The following NSL1 variants were observed in gnomAD, a reference collection of about 807,000 sequenced individuals.
The protein encoded by NSL1 is kinetochore-associated protein NSL1 homolog.
A neutral mutation model predicts 25.4 loss-of-function variants in NSL1; 11 were observed. The ratio of observed to expected loss-of-function variants is 0.43; its 90% confidence interval spans 0.27 to 0.72. The LOEUF (loss-of-function observed/expected upper bound fraction) is 0.72. NSL1 is among the 30% of genes least tolerant of loss of function. NSL1 has a pLI of 0.19. For missense variants in NSL1, 330 were observed against 342.7 expected, an observed-to-expected ratio of 0.96 and a Z score of 0.29; for synonymous variants, 118 against 120.6, an observed-to-expected ratio of 0.98 and a Z score of 0.14.
At position 212,730,916 on chromosome 1, in the gene NSL1, C is replaced by A. The variant is rs934869155; in HGVS notation, c.*7492G>T. On this transcript the variant is annotated 3_prime_UTR_variant, in exon 6 of 6. Transcript: ENST00000366977. ...GTGTGAGATTGTGATCCAGGGAAAC[C>A]GACAAGTTAGAAATTTGCAATATGA... is the stretch of plus-strand genomic sequence containing the variant. The A allele has an allele frequency of 1.0e-6, 1 of 985,110 alleles. No homozygotes were observed. The highest frequency in any genetic ancestry group is 1.2e-6 in the Non-Finnish European group (1 of 829,898). The allele number at this position is 985,110 out of a possible 1,614,324, so 61.0% of individuals were successfully genotyped here. A position where few individuals can be genotyped will look rare whatever the true frequency, so the allele number is the denominator to read the frequency against.
At chr1:212,791,333 T>C (rs1267857471) in intron 1 of NSL1, among the ~76,000 whole-genome samples, 197 bp downstream of exon 1, 1 of 152,256 alleles carries the variant, frequency 6.6e-6, no homozygotes, top group African/African-American at 2.4e-5. Context: ...TGGACAGCGC[T>C]GGTCTAAGTA....
At chr1:212,739,783 T>C (rs1472845) in intron 4 of NSL1, among the ~76,000 whole-genome samples, 182 bp from the exon 5 acceptor site, 13,224 of 152,234 alleles carry the variant, frequency 0.087, 923 homozygotes, top group African/African-American at 0.19. Flanking sequence ...AACTAAAAGT[T>C]ATAAGCATAA....
chr1:212,736,849 C>G lies in NSL1; in HGVS notation c.*1559G>C. ...AAATCTATCATGTCATTTAAAAACT[C>G]TATGTAGCACAATATACCTCTCTTA... On this transcript the variant is annotated 3_prime_UTR_variant, in exon 6 of 6. Transcript: ENST00000366977. The G allele has an allele frequency of 1.0e-6, 1 of 985,350 alleles. No individual in the cohort carries two copies. The highest frequency in any genetic ancestry group is 1.2e-6 in the Non-Finnish European group (1 of 829,892). 61.0% of individuals were successfully genotyped at this position (985,350 alleles called of 1,614,324 possible). A position where few individuals can be genotyped will look rare whatever the true frequency, so the allele number is the denominator to read the frequency against.
intron 4 of NSL1, among the ~76,000 whole-genome samples, chr1:212,746,065 G>A (rs2174780): frequency 0.1 from 15,344 of 152,258 alleles, 913 homozygotes; most frequent in African/African-American, 0.16. Flanking sequence ...AGGCTGAAAT[G>A]AAAGGATGCT....
chr1:212,761,275 C>T (rs980107539), intron 4 of NSL1, among the ~76,000 whole-genome samples: 1 of 152,176 alleles, frequency 6.6e-6, no homozygotes, highest in Non-Finnish European at 1.5e-5. Context: ...ATAGGACAGG[C>T]ATTGTGGCTC....
At chr1:212,783,768 T>C (rs1660821844) in intron 3 of NSL1, among the ~76,000 whole-genome samples, 1 of 152,174 alleles carries the variant, frequency 6.6e-6, no homozygotes, top group African/African-American at 2.4e-5. Flanking sequence ...ATATGGTTGG[T>C]CATTGATATC....
intron 4 of NSL1, among the ~76,000 whole-genome samples, chr1:212,778,877 G>C (rs1415718533): frequency 1.3e-5 from 2 of 151,884 alleles, no homozygotes; most frequent in African/African-American, 4.8e-5. Context: ...GGGATGTGAG[G>C]AGCCCCTCTG....
chr1:212,791,180 A>C (rs1191824273), intron 1 of NSL1, among the ~76,000 whole-genome samples: 1 of 152,200 alleles, frequency 6.6e-6, no homozygotes, highest in African/African-American at 2.4e-5. Flanking sequence ...AGAATGTAAA[A>C]TATCTCATTC....
chr1:212,764,665 G>C (rs773658206), intron 4 of NSL1, among the ~76,000 whole-genome samples: 1 of 151,706 alleles, frequency 6.6e-6, no homozygotes, highest in Non-Finnish European at 1.5e-5. Context: ...GGACAACATG[G>C]TGAAACCCTC....
At chr1:212,770,375 T>G (rs186933263) in intron 4 of NSL1, among the ~76,000 whole-genome samples, 12 of 151,974 alleles carry the variant, frequency 7.9e-5, no homozygotes, top group African/African-American at 2.9e-4. Context: ...CATCAGAGAC[T>G]ATTAAAACAG....
chr1:212,748,166 T>C (rs1214852434), intron 4 of NSL1, among the ~76,000 whole-genome samples: 1 of 152,254 alleles, frequency 6.6e-6, no homozygotes. Flanking sequence ...TTTAATGATA[T>C]GATAATATCT....
chr1:212,778,744 C>T (rs1484091956), intron 4 of NSL1, among the ~76,000 whole-genome samples: 2 of 150,012 alleles, frequency 1.3e-5, no homozygotes, highest in Non-Finnish European at 3.0e-5. Context: ...GATCTCGGCT[C>T]GCTACAACCT....
In NSL1 at chr1:212,727,117, GA is replaced by G; in HGVS notation, c.*11290del. ...CCAGTTCACCAGAGGCAGAAGGGAT[GA>G]AGGTTCCCCGATCCCCTTCTCTCCT... On this transcript the variant is annotated 3_prime_UTR_variant, in exon 6 of 6. Coordinates refer to ENST00000366977, the MANE Select transcript of NSL1 (RefSeq NM_015471.4). The G allele has an allele frequency of 6.4e-7, 1 of 1,564,958 alleles. No homozygotes were observed.
chr1:212,730,844 C>G lies in NSL1; in HGVS notation c.*7564G>C, dbSNP rs1657984316. 1 of 985,102 alleles carries G rather than the reference C, an allele frequency of 1.0e-6. No individual in the cohort carries two copies. Among genetic ancestry groups the G allele is most frequent in the African/African-American group, 1.7e-5 (1 of 57,200 alleles). 61.0% of individuals were successfully genotyped at this position (985,102 alleles called of 1,614,324 possible). ...TTACCTCTCCCCTCCCCACACTCACCTTCTAAGTTCAATTAATAATGAATA... is the reference window on the plus strand; with the variant it reads ...TTACCTCTCCCCTCCCCACACTCACGTTCTAAGTTCAATTAATAATGAATA... On this transcript the variant is annotated 3_prime_UTR_variant, in exon 6 of 6. Coordinates refer to ENST00000366977, the MANE Select transcript of NSL1 (RefSeq NM_015471.4).
intron 1 of NSL1, among the ~76,000 whole-genome samples, chr1:212,791,313 G>C (rs1471412575): frequency 6.6e-6 from 1 of 152,174 alleles, no homozygotes; most frequent in Non-Finnish European, 1.5e-5. Context: ...AGCTTGCCTT[G>C]TATTTTCACT....
chr1:212,729,959 G>T lies in NSL1; in HGVS notation c.*8449C>A. On this transcript the variant is annotated 3_prime_UTR_variant, in exon 6 of 6. Coordinates refer to ENST00000366977, the MANE Select transcript of NSL1 (RefSeq NM_015471.4). ...CCTCCGGAAGGATTTTTTTTTTTAA[G>T]AATGAAATGGGCCGGGCGTGGCGGC... is the stretch of plus-strand genomic sequence containing the variant. 1.0e-6 allele frequency: 1 copy of T among 973,040 alleles called. No individual in the cohort carries two copies. The highest frequency in any genetic ancestry group is 1.2e-6 in the Non-Finnish European group (1 of 819,254). The allele number at this position is 973,040 out of a possible 1,614,324, so 60.3% of individuals were successfully genotyped here. A position where few individuals can be genotyped will look rare whatever the true frequency, so the allele number is the denominator to read the frequency against.
intron 4 of NSL1, among the ~76,000 whole-genome samples, chr1:212,771,015 A>T (rs1660079510): frequency 6.6e-6 from 1 of 152,022 alleles, no homozygotes; most frequent in Admixed American, 6.6e-5. Flanking sequence ...CTGTCATGAT[A>T]AAAAAAACTC....
chr1:212,788,827 G>A (rs1441859734), intron 1 of NSL1, among the ~76,000 whole-genome samples: 2 of 152,122 alleles, frequency 1.3e-5, no homozygotes, highest in East Asian at 1.9e-4. Context: ...CAAGCTCTAC[G>A]TAACACTAAC....
At chr1:212,767,934 T>C (rs905962261) in intron 4 of NSL1, among the ~76,000 whole-genome samples, 6 of 152,236 alleles carry the variant, frequency 3.9e-5, no homozygotes, top group Non-Finnish European at 8.8e-5. Context: ...GATGTTGGCA[T>C]GGCTGTGTTG....
Sources: gnomAD v4.1 joint callset for allele counts (sites outside exome capture counted in the v4.1 genomes callset) on GRCh38, gnomAD v4.1.1 for gene constraint, MANE v1.5 for transcripts, NCBI Gene and HGNC (gene_info 2026-07-23, HGNC 2026-07-21) for gene names.